ASB4: variants seen among roughly 807,000 people sequenced by gnomAD.
The protein encoded by ASB4 is ankyrin repeat and SOCS box containing 4.
Under a neutral mutation model 38.6 loss-of-function variants are expected in ASB4, and 35 were observed. That is an observed-to-expected ratio of 0.91 (90% CI 0.69 to 1.20). The LOEUF (loss-of-function observed/expected upper bound fraction) is 1.20, where lower values mean the gene tolerates loss of function less well. Among genes scored for constraint, ASB4 ranks in the 50% most tolerant of loss-of-function variants. ASB4 has a pLI of 0.00. For missense variants in ASB4, 557 were observed against 527.2 expected, an observed-to-expected ratio of 1.06 and a Z score of -0.55; for synonymous variants, 195 against 201.3, an observed-to-expected ratio of 0.97 and a Z score of 0.26.
At chr7:95,531,380 G>T (rs373079972) in intron 3 of ASB4, among the ~76,000 whole-genome samples, 1 of 152,212 alleles carries the variant, frequency 6.6e-6, no homozygotes, top group African/African-American at 2.4e-5. Context: ...GCATATTGTC[G>T]TTCAAAGACT....
chr7:95,498,625 T>C (rs1231326000), intron 2 of ASB4, among the ~76,000 whole-genome samples: 1 of 152,238 alleles, frequency 6.6e-6, no homozygotes, highest in Non-Finnish European at 1.5e-5. Flanking sequence ...TTGCACGTAT[T>C]TCTCTTCATT....
Position 95,528,317 on chromosome 7 carries a change from C to G in ASB4, c.978+14C>G. The G allele has an allele frequency of 6.2e-7, 1 of 1,613,942 alleles. No homozygotes were observed. The highest frequency in any genetic ancestry group is 8.5e-7 in the Non-Finnish European group (1 of 1,179,982). On this transcript the variant is annotated intron_variant, in intron 3 of 4. Coordinates refer to ENST00000325885, the MANE Select transcript of ASB4 (RefSeq NM_016116.3). ...CAGTTCCATAAGGTGAGGCTCTGCC[C>G]AGTGGTCAGCAGGTTGAGGAAGATT...
intron 2 of ASB4, among the ~76,000 whole-genome samples, chr7:95,524,316 G>A (rs1291174596): frequency 6.6e-6 from 1 of 152,106 alleles, no homozygotes; most frequent in Non-Finnish European, 1.5e-5. Context: ...GAACTAAACA[G>A]CACAAGACAG....
chr7:95,483,232 C>G (rs888394061), upstream of ASB4, among the ~76,000 whole-genome samples: 3 of 152,172 alleles, frequency 2.0e-5, no homozygotes, highest in African/African-American at 7.2e-5. Context: ...ACCATGAGGT[C>G]TCGTAAGCTG....
chr7:95,492,963 A>C (rs564931577), intron 1 of ASB4, among the ~76,000 whole-genome samples: 3 of 152,304 alleles, frequency 2.0e-5, no homozygotes, highest in Non-Finnish European at 4.4e-5. Context: ...ACTCAATAGA[A>C]ATGTATAAAT....
At chr7:95,502,195 A>G (rs1790348778) in intron 2 of ASB4, among the ~76,000 whole-genome samples, 1 of 152,204 alleles carries the variant, frequency 6.6e-6, no homozygotes, top group African/African-American at 2.4e-5. Flanking sequence ...AAGAAAAATC[A>G]TATAAACAGC....
downstream of ASB4, among the ~76,000 whole-genome samples, chr7:95,541,086 T>C (rs1213924731): frequency 6.6e-6 from 1 of 152,200 alleles, no homozygotes; most frequent in African/African-American, 2.4e-5. Context: ...TGTTACTTTC[T>C]TTAGGAGGAT....
downstream of ASB4, among the ~76,000 whole-genome samples, chr7:95,540,953 T>A (rs919464741): frequency 1.3e-4 from 20 of 152,254 alleles, no homozygotes; most frequent in Non-Finnish European, 2.6e-4. Context: ...CTCATCTGAT[T>A]GTTTGTGAAG....
chr7:95,549,157 A>C, the ASB4 span, among the ~76,000 whole-genome samples: 2 of 152,128 alleles, frequency 1.3e-5, no homozygotes, highest in Non-Finnish European at 2.9e-5. Flanking sequence ...GGAGAGAGTT[A>C]CGGGAGGATG....
the ASB4 span, among the ~76,000 whole-genome samples, chr7:95,550,790 G>A: frequency 2.0e-5 from 3 of 152,084 alleles, no homozygotes; most frequent in Admixed American, 6.5e-5. Flanking sequence ...CAGCAAGGAC[G>A]GCAAAGGTTA....
the ASB4 span, among the ~76,000 whole-genome samples, chr7:95,548,362 C>G: frequency 6.6e-6 from 1 of 152,106 alleles, no homozygotes; most frequent in African/African-American, 2.4e-5. Context: ...TGTGTATCTT[C>G]TTTGGTGAAC....
intron 1 of ASB4, among the ~76,000 whole-genome samples, chr7:95,489,473 C>G (rs1031419572): frequency 1.3e-5 from 2 of 152,162 alleles, no homozygotes; most frequent in Non-Finnish European, 2.9e-5. Context: ...AGAGAGCTCT[C>G]ACTTTACTTT....
At chr7:95,490,764 C>A (rs1015341507) in intron 1 of ASB4, among the ~76,000 whole-genome samples, 1 of 152,258 alleles carries the variant, frequency 6.6e-6, no homozygotes. Flanking sequence ...GCTTTCTACC[C>A]AGCTATTGGG....
At chr7:95,515,333 CTTTCTTTCTTTCTTTCTT>C (rs1790565040) in intron 2 of ASB4, among the ~76,000 whole-genome samples, 1 of 126,606 alleles carries the variant, frequency 7.9e-6, no homozygotes, top group African/African-American at 3.0e-5. Flanking sequence ...TCCTTCCTTC[CTTTCTTTCTTTCTTTCTT>C]TTTCTTTCTT....
the ASB4 span, among the ~76,000 whole-genome samples, chr7:95,550,527 C>T: frequency 6.6e-6 from 1 of 152,166 alleles, no homozygotes; most frequent in Non-Finnish European, 1.5e-5. Context: ...AAACTGTTTC[C>T]CTGCACTTCT....
rs1249592565 is a variant in ASB4, at chr7:95,539,889, TA to T, written c.*2134del. On this transcript the variant is annotated 3_prime_UTR_variant, in exon 5 of 5. Transcript: ENST00000325885. Reference sequence around the variant, plus strand: ...TGTACCCCCAAAACTATTGAAATCTTAAAATAGTAATAATTAACAAAGTAAA... The same window carrying T: ...TGTACCCCCAAAACTATTGAAATCTTAAATAGTAATAATTAACAAAGTAAA... 6.6e-6 allele frequency: 1 copy of T among 152,134 alleles called. No individual in the cohort carries two copies. Among genetic ancestry groups the T allele is most frequent in the Non-Finnish European group, 1.5e-5 (1 of 68,030 alleles). The allele number at this position is 152,134 out of a possible 1,614,324, so 9.4% of individuals were successfully genotyped here.
At chr7:95,495,252 A>G (rs751308441) in intron 1 of ASB4, among the ~76,000 whole-genome samples, 14 of 152,196 alleles carry the variant, frequency 9.2e-5, no homozygotes, top group Non-Finnish European at 1.6e-4. Context: ...TAAAAAGATT[A>G]AATATATTCA....
upstream of ASB4, among the ~76,000 whole-genome samples, chr7:95,484,800 G>A (rs6976899): frequency 0.47 from 71,473 of 151,512 alleles, 18,078 homozygotes; most frequent in East Asian, 0.74. Context: ...AAAATTAAGT[G>A]TATACTTTTC....
intron 2 of ASB4, among the ~76,000 whole-genome samples, chr7:95,524,567 C>T (rs1202214945): frequency 1.3e-5 from 2 of 152,120 alleles, no homozygotes; most frequent in South Asian, 2.1e-4. Flanking sequence ...TCGAATTGTG[C>T]GCCACCCCCC....
Sources: gnomAD v4.1 joint callset for allele counts (sites outside exome capture counted in the v4.1 genomes callset) on GRCh38, gnomAD v4.1.1 for gene constraint, MANE v1.5 for transcripts, NCBI Gene and HGNC (gene_info 2026-07-23, HGNC 2026-07-21) for gene names.